Variants in STIM1 observed in about 807,000 individuals in gnomAD.
The protein encoded by STIM1 is stromal interaction molecule 1.
Under a neutral mutation model 74.7 loss-of-function variants are expected in STIM1, and 25 were observed. The observed-to-expected ratio is 0.33, with a 90% CI of 0.24 to 0.47. The LOEUF (loss-of-function observed/expected upper bound fraction) is 0.47, where lower values mean the gene tolerates loss of function less well. Among genes scored for constraint, STIM1 ranks in the 20% least tolerant of loss-of-function variants. The pLI, the probability that STIM1 is intolerant of heterozygous loss-of-function variation, is 1.00. For synonymous variants in STIM1, 328 were observed against 348.8 expected, an observed-to-expected ratio of 0.94 and a Z score of 0.66; for missense variants, 728 against 920.8, an observed-to-expected ratio of 0.79 and a Z score of 2.71.
intron 8 of STIM1, 60 bp downstream of exon 8, chr11:4,082,411 CAT>C: frequency 6.7e-7 from 1 of 1,490,844 alleles, no homozygotes; most frequent in Non-Finnish European, 9.2e-7. Flanking sequence ...TTTTTACCTG[CAT>C]ATCTTCCTCT....
At chr11:3,927,509 G>A (rs1325359579) in intron 1 of STIM1, among the ~76,000 whole-genome samples, 1 of 152,234 alleles carries the variant, frequency 6.6e-6, no homozygotes, top group Non-Finnish European at 1.5e-5. Context: ...TAAAATGCCA[G>A]CTACTTACTT....
At chr11:3,927,571 A>G (rs1212755956) in intron 1 of STIM1, among the ~76,000 whole-genome samples, 1 of 152,166 alleles carries the variant, frequency 6.6e-6, no homozygotes, top group African/African-American at 2.4e-5. Flanking sequence ...GCCACTCATC[A>G]TGGACTTTGA....
At chr11:3,907,758 T>C (rs1211190447) in intron 1 of STIM1, among the ~76,000 whole-genome samples, 2 of 152,332 alleles carry the variant, frequency 1.3e-5, no homozygotes, top group Admixed American at 6.5e-5. Flanking sequence ...TCCCAGTTAC[T>C]GTCTTAGCCT....
At chr11:3,864,387 C>T (rs934478972) in intron 1 of STIM1, among the ~76,000 whole-genome samples, 4 of 152,186 alleles carry the variant, frequency 2.6e-5, no homozygotes, top group African/African-American at 9.7e-5. Context: ...CAGAGTCTCT[C>T]ATGAGATGGC....
chr11:3,912,084 A>C (rs1396079671), intron 1 of STIM1, among the ~76,000 whole-genome samples: 1 of 151,600 alleles, frequency 6.6e-6, no homozygotes, highest in Non-Finnish European at 1.5e-5. Context: ...TCTATCCATA[A>C]CTGTCCTTCC....
chr11:3,991,950 C>CAAAAAAAAAAAAAAAA (rs1230185435), intron 2 of STIM1, among the ~76,000 whole-genome samples: 5 of 36,686 alleles, frequency 1.4e-4, no homozygotes, highest in African/African-American at 5.4e-4. Flanking sequence ...AACTCCATCT[C>CAAAAAAAAAAAAAAAA]AAAAAAAAAA....
chr11:3,954,819 T>C (rs1259469000), intron 1 of STIM1, among the ~76,000 whole-genome samples: 1 of 152,232 alleles, frequency 6.6e-6, no homozygotes, highest in Non-Finnish European at 1.5e-5. Context: ...GTGATATGCC[T>C]ACTTTAGAAA....
chr11:4,026,495 C>A (rs1259287060), intron 3 of STIM1, among the ~76,000 whole-genome samples: 1 of 152,196 alleles, frequency 6.6e-6, no homozygotes, highest in East Asian at 1.9e-4. Context: ...AGAGTTAGCA[C>A]AGACTTCACA....
chr11:3,953,692 CTGAGTA>C (rs2093176613), intron 1 of STIM1, among the ~76,000 whole-genome samples: 1 of 151,956 alleles, frequency 6.6e-6, no homozygotes, highest in Non-Finnish European at 1.5e-5. Flanking sequence ...CATTTAGAGT[CTGAGTA>C]TAATATGTGA....
chr11:4,025,670 C>G (rs7935824), intron 3 of STIM1, among the ~76,000 whole-genome samples: 42,294 of 151,978 alleles, frequency 0.28, 6,313 homozygotes, highest in South Asian at 0.45. Context: ...TCTGAAAGCT[C>G]GCATAGAAGT....
chr11:4,086,442 G>A (rs1409073172), intron 11 of STIM1, 35 bp from the exon 12 acceptor site: 1 of 1,611,322 alleles, frequency 6.2e-7, no homozygotes. Context: ...AAAGTGGGCT[G>A]GCCCCTCCTG....
chr11:4,083,352 A>G lies in STIM1; in HGVS notation c.1328A>G (p.Asn443Ser), dbSNP rs2094475149. Residue 443 changes from asparagine (N) to serine (S), a missense_variant, in exon 10 of 13, where the codon AAC becomes AGC. Around this residue, in one of 5 missense-constraint regions of STIM1, gnomAD observed 352 missense variants for 370.1 expected, o/e 0.95. Transcript: ENST00000526596. ...ATCCTCTGTGGCTTCCAGATTGTCAACAACCCTGGCATCCACTCACTGGTG... is the reference window on the plus strand; with the variant it reads ...ATCCTCTGTGGCTTCCAGATTGTCAGCAACCCTGGCATCCACTCACTGGTG... ...IEILCGFQIV[N>S]NPGIHSLVAA... is the part of the protein sequence containing the mutation. The G allele has an allele frequency of 3.7e-6, 6 of 1,614,128 alleles. No homozygotes were observed. The highest frequency in any genetic ancestry group is 1.3e-5 in the African/African-American group (1 of 74,942).
chr11:4,083,729 A>G, intron 10 of STIM1: 4 of 561,160 alleles, frequency 7.1e-6, no homozygotes, highest in South Asian at 6.4e-5. Flanking sequence ...CTATTGTGCT[A>G]AGTGTGTCTC....
intron 1 of STIM1, among the ~76,000 whole-genome samples, chr11:3,878,378 G>A (rs985285006): frequency 2.6e-5 from 4 of 152,056 alleles, no homozygotes; most frequent in African/African-American, 9.7e-5. Flanking sequence ...GAGAGGTTAA[G>A]CAACTTACCC....
At chr11:4,044,188 G>A (rs1191710311) in intron 3 of STIM1, among the ~76,000 whole-genome samples, 1 of 152,174 alleles carries the variant, frequency 6.6e-6, no homozygotes, top group Non-Finnish European at 1.5e-5. Context: ...GACAGGCTCA[G>A]GGGATGGGAG....
intron 2 of STIM1, among the ~76,000 whole-genome samples, chr11:3,976,011 C>A (rs1251699464): frequency 1.3e-5 from 2 of 152,178 alleles, no homozygotes; most frequent in African/African-American, 4.8e-5. Flanking sequence ...ACTTTATATT[C>A]ACAGTAGAAC....
intron 1 of STIM1, among the ~76,000 whole-genome samples, chr11:3,858,078 A>C (rs1188499587): frequency 6.6e-6 from 1 of 152,228 alleles, no homozygotes; most frequent in Non-Finnish European, 1.5e-5. Context: ...TCCCTGTGAC[A>C]TTCCTATTTA....
At chr11:4,032,649 C>T (rs1389116080) in intron 3 of STIM1, among the ~76,000 whole-genome samples, 1 of 152,164 alleles carries the variant, frequency 6.6e-6, no homozygotes, top group Non-Finnish European at 1.5e-5. Context: ...AACCCATAAA[C>T]AAAGTACATC....
chr11:4,088,695 GC>G (rs2094506920), intron 12 of STIM1: 1 of 1,535,274 alleles, frequency 6.5e-7, no homozygotes, highest in Non-Finnish European at 8.7e-7. Context: ...TTTGCACCAC[GC>G]ACCAGAGGAT....
Sources: gnomAD v4.1 joint callset for allele counts (sites outside exome capture counted in the v4.1 genomes callset) on GRCh38, gnomAD v4.1.1 for gene constraint, gnomAD v4.1.1 regional missense constraint, MANE v1.5 for transcripts, NCBI Gene and HGNC (gene_info 2026-07-23, HGNC 2026-07-21) for gene names.